The following UNC5B variants were observed in gnomAD, a reference collection of about 807,000 sequenced individuals.
The protein encoded by UNC5B is netrin receptor UNC5B.
UNC5B carries 56 observed loss-of-function variants against 103.7 expected under a neutral mutation model. That is an observed-to-expected ratio of 0.54 (90% confidence interval 0.44 to 0.67). UNC5B has a LOEUF of 0.67. Ranked by LOEUF, UNC5B falls within the 30% of genes least tolerant of loss-of-function variation. The pLI is 0.00. For synonymous variants in UNC5B, 577 were observed against 542.0 expected, an observed-to-expected ratio of 1.06 and a Z score of -0.90; for missense variants, 1,194 against 1,284.5, an observed-to-expected ratio of 0.93 and a Z score of 1.08.
intron 1 of UNC5B, among the ~76,000 whole-genome samples, chr10:71,263,445 A>G (rs367713607): frequency 2.0e-5 from 3 of 152,216 alleles, no homozygotes; most frequent in African/African-American, 7.2e-5. Flanking sequence ...GGAGGGGGCC[A>G]GAGAGCTCGA....
chr10:71,220,822 C>T (rs751111648), intron 1 of UNC5B, among the ~76,000 whole-genome samples: 8 of 152,140 alleles, frequency 5.3e-5, no homozygotes, highest in Non-Finnish European at 1.0e-4. Context: ...GAGGTCAGGA[C>T]CAGGAGTCTC....
At chr10:71,289,215 C>G (rs1845181923) in intron 8 of UNC5B, among the ~76,000 whole-genome samples, 1 of 152,244 alleles carries the variant, frequency 6.6e-6, no homozygotes, top group South Asian at 2.1e-4. Context: ...CCCTACTGAG[C>G]CTCCTCTCAT....
At chr10:71,224,238 C>G in intron 1 of UNC5B, among the ~76,000 whole-genome samples, 1 of 146,020 alleles carries the variant, frequency 6.8e-6, no homozygotes, top group African/African-American at 2.5e-5. Context: ...GACACAGACA[C>G]AGACACACAC....
At chr10:71,230,154 T>G (rs976010266) in intron 1 of UNC5B, among the ~76,000 whole-genome samples, 2 of 152,144 alleles carry the variant, frequency 1.3e-5, no homozygotes, top group Admixed American at 6.5e-5. Context: ...CCATTCTAGA[T>G]AGTCCTTCAA....
At position 71,279,955 on chromosome 10, in the gene UNC5B, T is replaced by C; in HGVS notation, c.214T>C (p.Phe72Leu). 6.2e-7 allele frequency: 1 copy of C among 1,614,042 alleles called. No individual in the cohort carries two copies. The highest frequency in any genetic ancestry group is 1.3e-5 in the African/African-American group (1 of 75,062). ...NKPVELRCRA[F>L]PATQIYFKCN... ...GCCTGTGGAGCTCCGCTGCCGCGCC[T>C]TCCCCGCCACACAGATCTACTTCAA... The change falls in exon 2 of 17, where the codon TTC (phenylalanine) becomes CTC (leucine). Residue 72 changes from phenylalanine (F) to leucine (L), a missense_variant. By Grantham distance (22) the Phe-to-Leu change is conservative (BLOSUM62 0). Transcript: ENST00000335350.
chr10:71,277,720 T>A (rs1844805513), intron 1 of UNC5B, among the ~76,000 whole-genome samples: 1 of 152,220 alleles, frequency 6.6e-6, no homozygotes, highest in African/African-American at 2.4e-5. Flanking sequence ...GGGAAGCAGG[T>A]GTCAGGGAGC....
intron 1 of UNC5B, among the ~76,000 whole-genome samples, chr10:71,255,955 A>G (rs934353697): frequency 6.6e-6 from 1 of 152,204 alleles, no homozygotes; most frequent in African/African-American, 2.4e-5. Flanking sequence ...GAAATCGACT[A>G]TGTATTGAGT....
At chr10:71,235,465 G>C (rs1027538798) in intron 1 of UNC5B, among the ~76,000 whole-genome samples, 13 of 152,366 alleles carry the variant, frequency 8.5e-5, no homozygotes, top group Admixed American at 5.9e-4. Flanking sequence ...GTGCCAGCGT[G>C]GGCTGGGATG....
chr10:71,296,563 C>G lies in UNC5B; in HGVS notation c.2326-15C>G. 6.2e-7 allele frequency: 1 copy of G among 1,612,928 alleles called. No homozygotes were observed. Among genetic ancestry groups the G allele is most frequent in the Non-Finnish European group, 8.5e-7 (1 of 1,179,712 alleles). ...CTGGCCTTGCCTGCCTGGTCCTGAC[C>G]CCCTCCTCCTGCAGGAGATCCCCTT... On this transcript the variant is annotated splice_polypyrimidine_tract_variant and intron_variant, in intron 14 of 16. Coordinates refer to ENST00000335350, the MANE Select transcript of UNC5B (RefSeq NM_170744.5).
intron 1 of UNC5B, among the ~76,000 whole-genome samples, chr10:71,266,809 C>T (rs1844534929): frequency 6.6e-6 from 1 of 152,140 alleles, no homozygotes; most frequent in Non-Finnish European, 1.5e-5. Flanking sequence ...AACTGTGACA[C>T]CAAAATATTA....
intron 2 of UNC5B, among the ~76,000 whole-genome samples, chr10:71,284,477 G>T (rs1430285328): frequency 1.3e-5 from 2 of 152,214 alleles, no homozygotes; most frequent in African/African-American, 4.8e-5. Flanking sequence ...GCATTTTGGA[G>T]ATGACACTAG....
rs759308401 is a variant in UNC5B, at chr10:71,297,946, C to T, written c.2528C>T (p.Pro843Leu). ...AGSLDTLCSA[P>L]GSTVTTQLGP... is the part of the protein sequence containing the mutation. ...TCCCTGGACACTCTCTGCTCTGCCC[C>T]TGGCAGCACTGTCACCACCCAGCTG... is the stretch of plus-strand genomic sequence containing the variant. The change falls in exon 16 of 17, where the codon CCT becomes CTT. Residue 843 changes from proline (P) to leucine (L), a missense_variant. By Grantham distance (98) the Pro-to-Leu change is moderately conservative. Coordinates refer to ENST00000335350, the MANE Select transcript of UNC5B (RefSeq NM_170744.5). The T allele has an allele frequency of 5.6e-6, 9 of 1,613,762 alleles. No homozygotes were observed. Among genetic ancestry groups the T allele is most frequent in the East Asian group, 2.2e-5 (1 of 44,890 alleles).
At chr10:71,284,884 C>T in intron 3 of UNC5B, 21 bp downstream of exon 3, 1 of 1,570,834 alleles carries the variant, frequency 6.4e-7, no homozygotes. Context: ...CTGACCCCCA[C>T]CCTGTCCCTG....
rs1843269690 is a variant in UNC5B at position 71,213,512 on chromosome 10, G to T, written c.79+448G>T. The stretch of plus-strand genomic sequence containing the variant: ...CGCCTAGGCTCTTACGCGCTATAGG[G>T]ACAGCAATCTGCAGACTAGAGGGAG... On this transcript the variant is annotated intron_variant, in intron 1 of 16. Transcript: ENST00000335350. The surrounding 1 kb of genome is among the most constrained non-coding windows in gnomAD (Gnocchi z 4.1). Among the ~76,000 whole-genome samples, 1 of 152,028 alleles carries T rather than the reference G, an allele frequency of 6.6e-6. No homozygotes were observed. The highest frequency in any genetic ancestry group is 1.5e-5 in the Non-Finnish European group (1 of 68,010).
rs902138329 is a variant in UNC5B at position 71,301,608 on chromosome 10, C to G, written c.*2331C>G. ...TCACGTGGCTTTGAGGGCAGTCTGA[C>G]CAGGCTAGACCACACGTGCCGTGAC... On this transcript the variant is annotated 3_prime_UTR_variant, in exon 17 of 17. Coordinates refer to ENST00000335350, the MANE Select transcript of UNC5B (RefSeq NM_170744.5). 1.3e-5 allele frequency: 2 copies of G among 152,246 alleles called. No individual in the cohort carries two copies. Among genetic ancestry groups the G allele is most frequent in the Non-Finnish European group, 2.9e-5 (2 of 68,056 alleles). 9.4% of individuals were successfully genotyped at this position (152,246 alleles called of 1,614,324 possible).
At chr10:71,284,576 G>A (rs1845015877) in intron 2 of UNC5B, 144 bp from the exon 3 acceptor site, 10 of 1,221,502 alleles carry the variant, frequency 8.2e-6, no homozygotes, top group South Asian at 1.5e-5. Context: ...TTGAGCCAGG[G>A]TGGAGACAGG....
In UNC5B at chr10:71,296,753, T is replaced by C. The variant is rs113974634; in HGVS notation, c.2490+11T>C. The C allele has an allele frequency of 1.3e-3, 2,023 of 1,580,784 alleles. 50 individuals are homozygous for C. In the African/African-American group the frequency reaches 0.027, roughly 21 times the overall value. ...ACCACTCTGGCAGAGGTGAGGGAAG[T>C]CGGGGCCACATATTCCAGCTGCACA... On this transcript the variant is annotated intron_variant, in intron 15 of 16. Transcript: ENST00000335350.
Position 71,284,803 on chromosome 10 carries a change from T to C in UNC5B, c.388T>C (p.Cys130Arg). Reference sequence around the variant, plus strand: ...TGGGCTGGAGGATTACTGGTGCCAGTGCGTGGCCTGGAGCTCCGCGGGCAC... The same window carrying C: ...TGGGCTGGAGGATTACTGGTGCCAGCGCGTGGCCTGGAGCTCCGCGGGCAC... ...LFGLEDYWCQ[C>R]VAWSSAGTTK... Residue 130 changes from cysteine (C) to arginine (R), a missense_variant, in exon 3 of 17, where the codon TGC (cysteine) becomes CGC (arginine). Coordinates refer to ENST00000335350, the MANE Select transcript of UNC5B (RefSeq NM_170744.5). 6.2e-7 allele frequency: 1 copy of C among 1,613,870 alleles called. No individual in the cohort carries two copies. Among genetic ancestry groups the C allele is most frequent in the Non-Finnish European group, 8.5e-7 (1 of 1,179,968 alleles).
At chr10:71,231,106 G>C (rs753958672) in intron 1 of UNC5B, among the ~76,000 whole-genome samples, 1 of 152,184 alleles carries the variant, frequency 6.6e-6, no homozygotes, top group Non-Finnish European at 1.5e-5. Context: ...GTGAACCATA[G>C]GATTCCTTAT....
Sources: allele counts gnomAD v4.1 joint callset (sites outside exome capture counted in the v4.1 genomes callset), GRCh38; gene constraint gnomAD v4.1.1; non-coding constraint Gnocchi (gnomAD v3.1); transcripts MANE v1.5; gene names NCBI Gene and HGNC (gene_info 2026-07-23, HGNC 2026-07-21).